Variants in EXOC4 observed in about 807,000 individuals in gnomAD.
The protein encoded by EXOC4 is SEC8-like 1.
A neutral mutation model predicts 107.2 loss-of-function variants in EXOC4; 71 were observed. The ratio of observed to expected loss-of-function variants is 0.66; its 90% CI spans 0.55 to 0.81. EXOC4 has a LOEUF of 0.81. EXOC4 is among the 30% of genes least tolerant of loss of function. EXOC4 has a pLI of 0.00. For synonymous variants in EXOC4, 456 were observed against 441.2 expected (o/e 1.03, Z -0.42); for missense variants, 1,108 against 1,189.6 (o/e 0.93, Z 1.01).
In EXOC4 at chr7:133,938,043, C is replaced by G. The variant is rs371673120; in HGVS notation, c.2180C>G (p.Ala727Gly). ...LEWLASRTKS[A>G]FSNLSTSQML... The stretch of plus-strand genomic sequence containing the variant: ...TGGTTGGCAAGTCGAACAAAGTCAG[C>G]TTTCTCCAATCTTTCTACATCCCAG... The change falls in exon 14 of 18, where the codon GCT (alanine) becomes GGT (glycine). Residue 727 changes from alanine to glycine, a missense_variant. Coordinates refer to ENST00000253861, the MANE Select transcript of EXOC4 (RefSeq NM_021807.4). 1.9e-6 allele frequency: 3 copies of G among 1,614,036 alleles called. No individual in the cohort carries two copies. The African/African-American group carries it at 4.0e-5, about 22-fold the overall frequency.
chr7:133,876,674 G>A (rs1031323902), intron 11 of EXOC4, among the ~76,000 whole-genome samples: 1 of 152,064 alleles, frequency 6.6e-6, no homozygotes, highest in Non-Finnish European at 1.5e-5. Context: ...GGCCACCCCA[G>A]TGTGTCTGCC....
chr7:133,277,593 CAG>C (rs2150528010), intron 2 of EXOC4, among the ~76,000 whole-genome samples: 1 of 152,198 alleles, frequency 6.6e-6, no homozygotes, highest in South Asian at 2.1e-4. Context: ...TTCAGTATGC[CAG>C]AGTTTTGAGC....
chr7:133,397,271 A>T (rs1387000240), intron 7 of EXOC4, among the ~76,000 whole-genome samples: 1 of 145,376 alleles, frequency 6.9e-6, no homozygotes, highest in Non-Finnish European at 1.5e-5. Flanking sequence ...GCTGGATTAC[A>T]GGCCACCACA....
intron 10 of EXOC4, among the ~76,000 whole-genome samples, chr7:133,734,714 A>G (rs890859572): frequency 6.6e-5 from 10 of 152,098 alleles, no homozygotes; most frequent in Non-Finnish European, 1.2e-4. Flanking sequence ...AGTATTTTGG[A>G]TCTTGGATTT....
intron 10 of EXOC4, among the ~76,000 whole-genome samples, chr7:133,653,383 T>C (rs910574831): frequency 1.3e-5 from 2 of 152,222 alleles, no homozygotes; most frequent in Admixed American, 1.3e-4. Flanking sequence ...CTCACTGTAC[T>C]AAGATGCCCC....
At chr7:133,847,646 A>G (rs1199070748) in intron 11 of EXOC4, among the ~76,000 whole-genome samples, 1 of 150,488 alleles carries the variant, frequency 6.6e-6, no homozygotes, top group Non-Finnish European at 1.5e-5. Context: ...CGGGCTCCCA[A>G]AGTGTTGGGA....
chr7:133,873,361 G>C (rs1009905152), intron 11 of EXOC4, among the ~76,000 whole-genome samples: 24 of 152,308 alleles, frequency 1.6e-4, no homozygotes, highest in South Asian at 4.1e-4. Context: ...TGTGTACTCT[G>C]TTAATGATAC....
At chr7:133,690,853 G>A (rs1322647996) in intron 10 of EXOC4, among the ~76,000 whole-genome samples, 1 of 152,070 alleles carries the variant, frequency 6.6e-6, no homozygotes, top group African/African-American at 2.4e-5. Context: ...GAATATGGGG[G>A]AAACTAATGG....
intron 10 of EXOC4, among the ~76,000 whole-genome samples, chr7:133,735,753 T>TC (rs896684219): frequency 2.0e-5 from 3 of 152,058 alleles, no homozygotes; most frequent in Non-Finnish European, 2.9e-5. Context: ...TGCTCCATGA[T>TC]CCCCCACCTA....
chr7:134,021,214 G>A (rs1176344860), intron 17 of EXOC4, among the ~76,000 whole-genome samples: 1 of 152,164 alleles, frequency 6.6e-6, no homozygotes, highest in African/African-American at 2.4e-5. Context: ...TCTGAGATAT[G>A]CAGTATATAA....
At chr7:134,020,485 G>A (rs1444671801) in intron 17 of EXOC4, among the ~76,000 whole-genome samples, 1 of 152,120 alleles carries the variant, frequency 6.6e-6, no homozygotes, top group Non-Finnish European at 1.5e-5. Flanking sequence ...CACTTTTCTA[G>A]ATTATTTTAA....
chr7:133,958,218 A>G (rs1800861455), intron 14 of EXOC4, among the ~76,000 whole-genome samples: 1 of 152,166 alleles, frequency 6.6e-6, no homozygotes, highest in Non-Finnish European at 1.5e-5. Context: ...CTACTTAATC[A>G]AATGAATCAA....
chr7:133,880,062 C>G (rs1256412116), intron 11 of EXOC4, among the ~76,000 whole-genome samples: 1 of 152,200 alleles, frequency 6.6e-6, no homozygotes, highest in Non-Finnish European at 1.5e-5. Context: ...CACCTTTTCC[C>G]TTGCCTGAAT....
chr7:133,999,554 C>G (rs1417472309), intron 15 of EXOC4, among the ~76,000 whole-genome samples: 3 of 152,112 alleles, frequency 2.0e-5, no homozygotes, highest in African/African-American at 7.2e-5. Context: ...TATTTGGTAT[C>G]TCTTTATTTA....
At chr7:134,051,167 G>GT (rs1384564652) in intron 17 of EXOC4, among the ~76,000 whole-genome samples, 1 of 152,196 alleles carries the variant, frequency 6.6e-6, no homozygotes, top group Admixed American at 6.5e-5. Flanking sequence ...CTGCAGACAA[G>GT]TGAAAATGAC....
At chr7:133,678,213 TTGAC>T (rs1794108091) in intron 10 of EXOC4, among the ~76,000 whole-genome samples, 1 of 152,216 alleles carries the variant, frequency 6.6e-6, no homozygotes, top group African/African-American at 2.4e-5. Flanking sequence ...GCACCATAGA[TTGAC>T]TGCTTTATTC....
chr7:133,572,737 G>T (rs1585005593), intron 9 of EXOC4, among the ~76,000 whole-genome samples: 1 of 152,086 alleles, frequency 6.6e-6, no homozygotes, highest in Non-Finnish European at 1.5e-5. Flanking sequence ...AGCTTTTGGG[G>T]TCCTTAAATG....
At chr7:133,868,171 T>C (rs939037995) in intron 11 of EXOC4, among the ~76,000 whole-genome samples, 2 of 152,208 alleles carry the variant, frequency 1.3e-5, no homozygotes, top group African/African-American at 4.8e-5. Flanking sequence ...ACCTCTTGGC[T>C]TGAGCTAGGG....
intron 10 of EXOC4, among the ~76,000 whole-genome samples, chr7:133,679,124 C>T (rs1794129183): frequency 1.3e-5 from 2 of 152,066 alleles, no homozygotes; most frequent in Admixed American, 1.3e-4. Context: ...CTCAGTGCTC[C>T]CAACCATAGA....
Sources: gnomAD v4.1 joint callset for allele counts (sites outside exome capture counted in the v4.1 genomes callset) on GRCh38, gnomAD v4.1.1 for gene constraint, MANE v1.5 for transcripts, NCBI Gene and HGNC (gene_info 2026-07-23, HGNC 2026-07-21) for gene names.